Variants in COL20A1 observed in about 807,000 individuals in gnomAD.
The protein encoded by COL20A1 is collagen type XX alpha 1 chain.
Under a neutral mutation model 152.9 loss-of-function variants are expected in COL20A1, and 164 were observed. The ratio of observed to expected loss-of-function variants is 1.07; its 90% CI spans 0.94 to 1.22. COL20A1 has a LOEUF of 1.22. Ranked by LOEUF, COL20A1 falls within the 50% of genes most tolerant of loss-of-function variation. The probability of loss-of-function intolerance (pLI) is 0.00; values close to 1 mark genes in which losing one functional copy is unlikely to be tolerated. For missense variants in COL20A1, 1,873 were observed against 1,744.8 expected (o/e 1.07, Z -1.31); for synonymous variants, 864 against 756.0 (o/e 1.14, Z -2.34).
In COL20A1 at chr20:63,325,537, T is replaced by TG. The variant is rs1167522890; in HGVS notation, c.3348+48dup. On this transcript the variant is annotated intron_variant, in intron 28 of 35. Transcript: ENST00000358894. ...AGGGGGCCACAGGGGTTGGTGGGGGTGGGGGAAGGACAGGGATGGAGATGG... is the reference window on the plus strand; with the variant it reads ...AGGGGGCCACAGGGGTTGGTGGGGGTGGGGGGAAGGACAGGGATGGAGATGG... The TG allele has an allele frequency of 2.8e-6, 4 of 1,412,802 alleles. No individual in the cohort carries two copies. In the African/African-American group the frequency reaches 6.0e-5, roughly 21 times the overall value. 87.5% of individuals were successfully genotyped at this position (1,412,802 alleles called of 1,614,324 possible).
chr20:63,311,550 C>A lies in COL20A1; in HGVS notation c.1539+11C>A, dbSNP rs1356083473. The A allele has an allele frequency of 3.1e-6, 5 of 1,600,666 alleles. No homozygotes were observed. The highest frequency in any genetic ancestry group is 4.3e-6 in the Non-Finnish European group (5 of 1,174,426). ...GAGGAGGAGCGAGAGGTGAGCTGGG[C>A]CGGGGGGTGGCGGGGGAGGCAGAGG... On this transcript the variant is annotated intron_variant, in intron 12 of 35. Coordinates refer to ENST00000358894, the MANE Select transcript of COL20A1 (RefSeq NM_020882.4). The surrounding 1 kb of genome is among the most constrained non-coding windows in gnomAD (Gnocchi z 4.4).
chr20:63,298,135 T>G (rs1050167243), intron 3 of COL20A1, 115 bp downstream of exon 3: 31 of 653,770 alleles, frequency 4.7e-5, no homozygotes, highest in Non-Finnish European at 7.7e-5. Flanking sequence ...AGCCCCTTAG[T>G]GTCAGCACCT....
Position 63,332,739 on chromosome 20 carries a change from T to C in COL20A1, c.*2023T>C, listed in dbSNP as rs1463127273. On this transcript the variant is annotated 3_prime_UTR_variant, in exon 36 of 36. Transcript: ENST00000358894. ...CCTCAAAAGGGGAGTCCGGCTGTCT[T>C]CGGGAAACTGACTTTATGCTGGAGG... The C allele has an allele frequency of 6.6e-6, 1 of 152,230 alleles. No homozygotes were observed. Among genetic ancestry groups the C allele is most frequent in the Non-Finnish European group, 1.5e-5 (1 of 68,052 alleles). 9.4% of individuals were successfully genotyped at this position (152,230 alleles called of 1,614,324 possible). A position where few individuals can be genotyped will look rare whatever the true frequency, so the allele number is the denominator to read the frequency against.
rs868764974 is a variant in COL20A1 at position 63,316,554 on chromosome 20, G to A, written c.2526G>A (p.Gly842=). The change falls in exon 21 of 36, where the codon GGG becomes GGA. Residue 842 remains glycine (G), a splice_region_variant and synonymous_variant. Transcript: ENST00000358894. The part of the protein sequence containing the change: ...PALRPDGSLP[G]FDLMVAFSLV... ...CCCTTCCCCCACCATCTTCCCCAGGGTTTGACCTGATGGTGGCCTTCAGCC... is the reference window on the plus strand; with the variant it reads ...CCCTTCCCCCACCATCTTCCCCAGGATTTGACCTGATGGTGGCCTTCAGCC... The A allele has an allele frequency of 1.1e-5, 17 of 1,590,246 alleles. No homozygotes were observed. The highest frequency in any genetic ancestry group is 2.3e-5 in the South Asian group (2 of 87,210).
intron 19 of COL20A1, 41 bp downstream of exon 19, chr20:63,314,242 C>T (rs1248072431): frequency 1.3e-6 from 2 of 1,523,974 alleles, no homozygotes; most frequent in African/African-American, 1.4e-5. Flanking sequence ...TAGACCCAGC[C>T]CCAGCCGGGC....
chr20:63,308,880 G>T (rs1018552688), intron 8 of COL20A1, among the ~76,000 whole-genome samples, 174 bp downstream of exon 8: 5 of 152,188 alleles, frequency 3.3e-5, no homozygotes, highest in Admixed American at 6.5e-5. Context: ...TGGCACAGGC[G>T]GGCTGCTCCT....
chr20:63,311,492 G>A lies in COL20A1; in HGVS notation c.1492G>A (p.Val498Met). The change falls in exon 12 of 36, where the codon GTG (valine) becomes ATG (methionine). Residue 498 changes from valine to methionine, a missense_variant. Transcript: ENST00000358894. This position sits in a 1 kb window ranked among gnomAD's most constrained non-coding sequence, Gnocchi z 4.4. ...QPSAGATHYLVRCSPASPKGE... is the reference protein window; with the variant it reads ...QPSAGATHYLMRCSPASPKGE... The stretch of plus-strand genomic sequence containing the variant: ...CTCGGCCGGGGCCACCCACTACCTG[G>A]TGCGATGTTCTCCTGCTTCCCCCAA... 6.3e-7 allele frequency: 1 copy of A among 1,581,420 alleles called. No homozygotes were observed. Among genetic ancestry groups the A allele is most frequent in the South Asian group, 1.1e-5 (1 of 87,020 alleles).
At chr20:63,316,501 C>T in intron 20 of COL20A1, 52 bp from the exon 21 acceptor site, 2 of 1,532,874 alleles carry the variant, frequency 1.3e-6, no homozygotes, top group East Asian at 2.4e-5. Context: ...TCCTCCCTCC[C>T]CTGCCATCTC....
At chr20:63,324,942 G>A (rs1270001937) in intron 27 of COL20A1, 9 of 238,788 alleles carry the variant, frequency 3.8e-5, no homozygotes, top group South Asian at 4.2e-5. Flanking sequence ...GCTTTTCCTC[G>A]GTGATTTCTG....
At chr20:63,320,718 A>G (rs6011732) in intron 25 of COL20A1, among the ~76,000 whole-genome samples, 3 of 152,146 alleles carry the variant, frequency 2.0e-5, no homozygotes, top group African/African-American at 7.2e-5. Context: ...GGGCTTGGCC[A>G]TACTGGGGGC....
Position 63,306,561 on chromosome 20 carries a change from C to T in COL20A1, c.496+522C>T, listed in dbSNP as rs952745403. 6.6e-5 allele frequency among the ~76,000 whole-genome samples: 10 copies of T among 152,248 alleles called. No homozygotes were observed. The highest frequency in any genetic ancestry group is 7.4e-5 in the Non-Finnish European group (5 of 68,010). On this transcript the variant is annotated intron_variant, in intron 5 of 35. Transcript: ENST00000358894. This position sits in a 1 kb window ranked among gnomAD's most constrained non-coding sequence, Gnocchi z 6.9. ...AGTGGGATCAGGAGCAGAGCTGGTCCGGGGGCCCTGGAGGGAGGGCCCTGC... is the reference window on the plus strand; with the variant it reads ...AGTGGGATCAGGAGCAGAGCTGGTCTGGGGGCCCTGGAGGGAGGGCCCTGC...
intron 18 of COL20A1, 24 bp from the exon 19 acceptor site, chr20:63,314,048 A>C: frequency 6.2e-7 from 1 of 1,612,454 alleles, no homozygotes; most frequent in Non-Finnish European, 8.5e-7. Context: ...GGAAGTGGGG[A>C]CCAGGCACCC....
At chr20:63,312,187 C>T (rs1203121582) in intron 14 of COL20A1, 132 bp downstream of exon 14, 1 of 1,214,368 alleles carries the variant, frequency 8.2e-7, no homozygotes, top group Non-Finnish European at 1.1e-6. Flanking sequence ...AGCGGGGGCA[C>T]CTGGTGTGGG....
chr20:63,325,782 G>T (rs1387067620), intron 29 of COL20A1, 61 bp downstream of exon 29: 4 of 1,488,282 alleles, frequency 2.7e-6, no homozygotes, highest in East Asian at 2.3e-5. Flanking sequence ...GGGGACGGGG[G>T]GCCTTGGAGA....
rs1311449410 is a variant in COL20A1, at chr20:63,319,223, C to G, written c.2806+23C>G. ...ATGGTGACGTGGGCCCCGCGTCGCC[C>G]CCAGCAGTCAGGAGGAGTAGGGGCA... On this transcript the variant is annotated intron_variant, in intron 22 of 35. Coordinates refer to ENST00000358894, the MANE Select transcript of COL20A1 (RefSeq NM_020882.4). This position sits in a 1 kb window ranked among gnomAD's most constrained non-coding sequence, Gnocchi z 4.4. The G allele has an allele frequency of 1.2e-6, 2 of 1,606,592 alleles. No homozygotes were observed. The highest frequency in any genetic ancestry group is 1.7e-6 in the Non-Finnish European group (2 of 1,176,884).
In COL20A1 at chr20:63,305,531, G is replaced by C. The variant is rs745660496; in HGVS notation, c.308G>C (p.Arg103Pro). ...ATCTTCGAGCTCACTGGCTCTGGGC[G>C]CTTCCTGCTAGCTCGGAGGGAGTTT... ...LQIFELTGSG[R>P]FLLARREFVI... is the part of the protein sequence containing the mutation. Residue 103 changes from arginine (R) to proline (P), a missense_variant, in exon 4 of 36, where the codon CGC becomes CCC. Transcript: ENST00000358894. This position sits in a 1 kb window ranked among gnomAD's most constrained non-coding sequence, Gnocchi z 4.9. 1.4e-5 allele frequency: 22 copies of C among 1,603,924 alleles called. No individual in the cohort carries two copies. In the East Asian group the frequency reaches 4.7e-4, roughly 34 times the overall value.
chr20:63,323,042 C>T (rs1169676090), intron 27 of COL20A1, among the ~76,000 whole-genome samples: 1 of 152,258 alleles, frequency 6.6e-6, no homozygotes, highest in African/African-American at 2.4e-5. Context: ...GGCGCTCCCC[C>T]GCGACGAGCC....
At chr20:63,309,648 A>C in intron 9 of COL20A1, 110 bp from the exon 10 acceptor site, 1 of 1,272,902 alleles carries the variant, frequency 7.9e-7, no homozygotes, top group East Asian at 2.6e-5. Context: ...TGTCCACAGA[A>C]GGGCTGGGGA....
At position 63,316,641 on chromosome 20, in the gene COL20A1, G is replaced by A. The variant is rs757774676; in HGVS notation, c.2613G>A (p.Gly871=). The A allele has an allele frequency of 1.5e-5, 24 of 1,577,792 alleles. No homozygotes were observed. The highest frequency in any genetic ancestry group is 2.7e-5 in the African/African-American group (2 of 74,182). The change falls in exon 21 of 36, where the codon GGG becomes GGA. Residue 871 remains glycine (G), a synonymous_variant. Transcript: ENST00000358894. ...CCATGGAGCCCTCTGCCTTCGGTGG[G>A]ACCCCGACCTTCACGCTCTTCAAGG... ...GVAMEPSAFG[G]TPTFTLFKDA...
Sources: allele counts gnomAD v4.1 joint callset (sites outside exome capture counted in the v4.1 genomes callset), GRCh38; gene constraint gnomAD v4.1.1; non-coding constraint Gnocchi (gnomAD v3.1); transcripts MANE v1.5; gene names NCBI Gene and HGNC (gene_info 2026-07-23, HGNC 2026-07-21).